Variants in ACCSL observed in about 807,000 individuals in gnomAD.
The protein encoded by ACCSL is 1-aminocyclopropane-1-carboxylate synthase homolog (inactive) like.
Under a neutral mutation model 61.7 loss-of-function variants are expected in ACCSL, and 55 were observed. The observed-to-expected ratio is 0.89, with a 90% CI of 0.72 to 1.12. The LOEUF (loss-of-function observed/expected upper bound fraction) is 1.12, where lower values mean the gene tolerates loss of function less well. Among genes scored for constraint, ACCSL ranks in the 50% most tolerant of loss-of-function variants. The pLI is 0.00. For synonymous variants in ACCSL, 258 were observed against 264.3 expected, an observed-to-expected ratio of 0.98 and a Z score of 0.23; for missense variants, 632 against 698.0, an observed-to-expected ratio of 0.91 and a Z score of 1.07.
chr11:44,033,110 G>A, the ACCSL span, among the ~76,000 whole-genome samples: 5 of 152,178 alleles, frequency 3.3e-5, no homozygotes, highest in African/African-American at 9.7e-5. Flanking sequence ...ACGAACAGTC[G>A]GGTTTGGTGG....
At chr11:43,947,962 C>T in the ACCSL span, among the ~76,000 whole-genome samples, 6 of 152,198 alleles carry the variant, frequency 3.9e-5, no homozygotes, top group Non-Finnish European at 8.8e-5. Flanking sequence ...CACCTCTGTC[C>T]TTCCCCTCCC....
At chr11:43,943,352 C>T in the ACCSL span, 2 of 1,393,048 alleles carry the variant, frequency 1.4e-6, no homozygotes, top group Middle Eastern at 2.3e-4. This position sits in a 1 kb window ranked among gnomAD's most constrained non-coding sequence, Gnocchi z 4.8. Context: ...AGTGCCCGCG[C>T]CCTGCTCCCG....
At chr11:43,942,894 C>A in the ACCSL span, 26 of 1,356,160 alleles carry the variant, frequency 1.9e-5, no homozygotes, top group East Asian at 8.1e-4. Flanking sequence ...CCCGCAGACG[C>A]CGGAGGCGCC....
At chr11:43,988,514 C>T in the ACCSL span, among the ~76,000 whole-genome samples, 1 of 147,336 alleles carries the variant, frequency 6.8e-6, no homozygotes, top group Non-Finnish European at 1.5e-5. Context: ...GTCTCGGTGG[C>T]GTAGATGCAG....
chr11:44,032,991 A>G, the ACCSL span, among the ~76,000 whole-genome samples: 1 of 152,210 alleles, frequency 6.6e-6, no homozygotes, highest in African/African-American at 2.4e-5. Flanking sequence ...AACTCCCTCC[A>G]AAATGTTTCT....
At chr11:43,942,104 C>T in the ACCSL span, among the ~76,000 whole-genome samples, 8,275 of 150,632 alleles carry the variant, frequency 0.055, 364 homozygotes, top group East Asian at 0.1. Context: ...AGGGGGGTGG[C>T]AAGGATCCAG....
the ACCSL span, chr11:43,943,000 C>A: frequency 6.6e-7 from 1 of 1,506,312 alleles, no homozygotes; most frequent in Non-Finnish European, 8.9e-7. Flanking sequence ...TCCCGCAGCC[C>A]GTGCGGCCCG....
At chr11:44,025,290 A>G in the ACCSL span, among the ~76,000 whole-genome samples, 1 of 152,120 alleles carries the variant, frequency 6.6e-6, no homozygotes, top group African/African-American at 2.4e-5. Flanking sequence ...TTTTAAATAT[A>G]TAATTTTAAC....
At chr11:43,997,985 G>T in the ACCSL span, among the ~76,000 whole-genome samples, 1 of 152,218 alleles carries the variant, frequency 6.6e-6, no homozygotes, top group Non-Finnish European at 1.5e-5. Context: ...ATCACCATCA[G>T]TGTAGCATGG....
chr11:44,014,747 TG>T, the ACCSL span, among the ~76,000 whole-genome samples: 4 of 152,038 alleles, frequency 2.6e-5, no homozygotes, highest in Non-Finnish European at 1.5e-5. Flanking sequence ...TACATTTGAG[TG>T]ACCCTAGGAG....
chr11:43,992,459 C>T, the ACCSL span, among the ~76,000 whole-genome samples: 2 of 152,318 alleles, frequency 1.3e-5, no homozygotes, highest in African/African-American at 2.4e-5. Context: ...CAGGTGTCCA[C>T]GCTTCCAGTA....
At chr11:43,925,826 G>C in the ACCSL span, among the ~76,000 whole-genome samples, 16 of 152,280 alleles carry the variant, frequency 1.1e-4, no homozygotes, top group African/African-American at 3.4e-4. Context: ...CCGTGAAATG[G>C]ACTCAGAAGC....
chr11:43,971,050 T>C, the ACCSL span, among the ~76,000 whole-genome samples: 18 of 152,082 alleles, frequency 1.2e-4, no homozygotes, highest in Non-Finnish European at 1.8e-4. Context: ...ACCAGTAATA[T>C]GGCCAGGCCC....
chr11:43,968,383 C>T, the ACCSL span, among the ~76,000 whole-genome samples: 1 of 151,750 alleles, frequency 6.6e-6, no homozygotes, highest in Non-Finnish European at 1.5e-5. Context: ...CCCCCGCAAG[C>T]AATCTCTGTG....
the ACCSL span, among the ~76,000 whole-genome samples, chr11:43,928,284 GA>G: frequency 0.04 from 6,129 of 152,190 alleles, 179 homozygotes; most frequent in Middle Eastern, 0.061. Flanking sequence ...TGGCCTGGGG[GA>G]CACCTCTAGG....
At chr11:44,011,367 C>T in the ACCSL span, among the ~76,000 whole-genome samples, 3,450 of 152,300 alleles carry the variant, frequency 0.023, 42 homozygotes, top group Middle Eastern at 0.037. Context: ...TGGTTGCCTT[C>T]CCCATTTCAT....
the ACCSL span, among the ~76,000 whole-genome samples, chr11:43,926,067 G>C: frequency 5.9e-5 from 9 of 152,264 alleles, no homozygotes; most frequent in Non-Finnish European, 8.8e-5. Flanking sequence ...AGTCAGCAAG[G>C]GTTGGGGAGT....
the ACCSL span, among the ~76,000 whole-genome samples, chr11:44,005,303 A>G: frequency 6.6e-6 from 1 of 151,994 alleles, no homozygotes; most frequent in Non-Finnish European, 1.5e-5. Flanking sequence ...TTAGCTGCCT[A>G]ATTACTGCTG....
At chr11:44,059,337 T>C (rs538255078) in intron 13 of ACCSL, among the ~76,000 whole-genome samples, 2 of 152,222 alleles carry the variant, frequency 1.3e-5, no homozygotes, top group Non-Finnish European at 2.9e-5. Context: ...CAGATGACCA[T>C]GGAAGTCCCT....
Sources: gnomAD v4.1 joint callset for allele counts (sites outside exome capture counted in the v4.1 genomes callset) on GRCh38, gnomAD v4.1.1 for gene constraint, Gnocchi (gnomAD v3.1) non-coding constraint, MANE v1.5 for transcripts, NCBI Gene and HGNC (gene_info 2026-07-23, HGNC 2026-07-21) for gene names.